Variants in BFSP1 observed in about 807,000 individuals in gnomAD.
The protein encoded by BFSP1 is filensin.
A neutral mutation model predicts 43.9 loss-of-function variants in BFSP1; 38 were observed. The observed-to-expected ratio is 0.87, with a 90% CI of 0.67 to 1.14. BFSP1 has a LOEUF of 1.14. BFSP1 is among the 50% of genes most tolerant of loss of function. The pLI is 0.00. For missense variants in BFSP1, 850 were observed against 875.1 expected (o/e 0.97, Z 0.36); for synonymous variants, 352 against 354.8 (o/e 0.99, Z 0.09).
chr20:17,547,299 A>C (rs2034819773), intron 1 of BFSP1, among the ~76,000 whole-genome samples: 1 of 152,114 alleles, frequency 6.6e-6, no homozygotes, highest in Admixed American at 6.5e-5. Context: ...TCTTATTCTT[A>C]AGGAGACAGG....
At chr20:17,540,524 C>G (rs1410904641) in intron 1 of BFSP1, among the ~76,000 whole-genome samples, 1 of 152,138 alleles carries the variant, frequency 6.6e-6, no homozygotes, top group East Asian at 1.9e-4. Context: ...CGCTGTTTAC[C>G]TGGCAGACCT....
intron 1 of BFSP1, among the ~76,000 whole-genome samples, chr20:17,568,777 A>T (rs970963874): frequency 6.6e-6 from 1 of 152,142 alleles, no homozygotes; most frequent in African/African-American, 2.4e-5. Flanking sequence ...CAAAAGCCAC[A>T]TACAACCTAG....
rs769151955 is a variant in BFSP1, at chr20:17,514,754, A to G, written c.501T>C (p.Asp167=). ...GCCTGTCCTTTGCCGCACTGATATC[A>G]TCTTGCAGAAATTGGGCTTCCAGCT... The part of the protein sequence containing the change: ...RLQLEAQFLQ[D]DISAAKDRHK... Residue 167 remains aspartate, a synonymous_variant, in exon 3 of 8, where the codon GAT becomes GAC. Coordinates refer to ENST00000377873, the MANE Select transcript of BFSP1 (RefSeq NM_001195.5). 6.2e-7 allele frequency: 1 copy of G among 1,614,078 alleles called. No individual in the cohort carries two copies. The highest frequency in any genetic ancestry group is 2.2e-5 in the East Asian group (1 of 44,870).
At chr20:17,542,835 G>T (rs1280399875) in intron 1 of BFSP1, among the ~76,000 whole-genome samples, 2 of 152,186 alleles carry the variant, frequency 1.3e-5, no homozygotes, top group Non-Finnish European at 2.9e-5. Flanking sequence ...TTCATTTCTA[G>T]TTGGCTCAAG....
chr20:17,502,468 G>T (rs553382966), intron 5 of BFSP1, among the ~76,000 whole-genome samples: 1 of 152,196 alleles, frequency 6.6e-6, no homozygotes, highest in East Asian at 1.9e-4. Flanking sequence ...CAGTATGGGG[G>T]AGACAATCAA....
At chr20:17,502,397 T>C (rs2033825230) in intron 5 of BFSP1, among the ~76,000 whole-genome samples, 1 of 152,104 alleles carries the variant, frequency 6.6e-6, no homozygotes, top group African/African-American at 2.4e-5. Flanking sequence ...ACAAAGCCAC[T>C]GGTCTGGGTT....
chr20:17,538,691 T>C (rs1334579378), intron 1 of BFSP1, among the ~76,000 whole-genome samples: 1 of 152,196 alleles, frequency 6.6e-6, no homozygotes, highest in African/African-American at 2.4e-5. Context: ...TCATCGTCAT[T>C]CTGGTTATGC....
intron 1 of BFSP1, among the ~76,000 whole-genome samples, chr20:17,558,281 A>G (rs1332363246): frequency 1.3e-5 from 2 of 152,092 alleles, no homozygotes; most frequent in Non-Finnish European, 2.9e-5. Flanking sequence ...CACCCAAACC[A>G]TTTAAAATGG....
At chr20:17,497,584 A>G (rs778440735) in intron 6 of BFSP1, among the ~76,000 whole-genome samples, 17 of 15,612 alleles carry the variant, frequency 1.1e-3, no homozygotes, top group Admixed American at 2.9e-3. Context: ...ATATATACGT[A>G]TATATATACG....
At chr20:17,557,522 A>G (rs2035013028) in intron 1 of BFSP1, among the ~76,000 whole-genome samples, 1 of 152,146 alleles carries the variant, frequency 6.6e-6, no homozygotes, top group Non-Finnish European at 1.5e-5. Flanking sequence ...GGCTCAAGGG[A>G]AGTCCATATA....
upstream of BFSP1, among the ~76,000 whole-genome samples, chr20:17,533,455 C>T (rs1032611386): frequency 1.3e-5 from 2 of 148,790 alleles, no homozygotes; most frequent in East Asian, 3.8e-4. Flanking sequence ...GCTGGGAGCT[C>T]AGCTGTCTTC....
chr20:17,495,774 C>T lies in BFSP1; in HGVS notation c.1043-745G>A, dbSNP rs528000315. Among the ~76,000 whole-genome samples, 4 of 152,292 alleles carry T rather than the reference C, an allele frequency of 2.6e-5. No homozygotes were observed. The East Asian group carries it at 5.8e-4, about 22-fold the overall frequency. ...ACCTGGTATAATCTATGAGGCTTCC[C>T]GGCTCCACCCACATAGTGAATTTTG... On this transcript the variant is annotated intron_variant, in intron 7 of 7. Coordinates refer to ENST00000377873, the MANE Select transcript of BFSP1 (RefSeq NM_001195.5).
intron 1 of BFSP1, among the ~76,000 whole-genome samples, chr20:17,527,676 C>T (rs922816626): frequency 1.3e-5 from 2 of 151,694 alleles, no homozygotes; most frequent in Admixed American, 6.6e-5. Flanking sequence ...TGCAGTGAGC[C>T]GAGATCACGC....
At chr20:17,553,840 C>CATATATATAT (rs201771585) in intron 1 of BFSP1, among the ~76,000 whole-genome samples, 1 of 108,524 alleles carries the variant, frequency 9.2e-6, no homozygotes, top group East Asian at 3.0e-4. Flanking sequence ...TATATATACA[C>CATATATATAT]ATATATATAC....
intron 1 of BFSP1, among the ~76,000 whole-genome samples, chr20:17,543,242 T>C (rs1600676245): frequency 6.6e-6 from 1 of 152,352 alleles, no homozygotes; most frequent in South Asian, 2.1e-4. Context: ...AGAGTGTCTT[T>C]TGCCGTGTAA....
intron 2 of BFSP1, among the ~76,000 whole-genome samples, chr20:17,522,353 C>G (rs190504876): frequency 2.0e-5 from 3 of 152,160 alleles, no homozygotes; most frequent in African/African-American, 4.8e-5. Context: ...ACCTGCCCCC[C>G]CAATAACCAC....
rs34002192 is a variant in BFSP1, at chr20:17,539,105, C to CTTCTTTT, written c.3-14198_3-14197insAAAAGAA. ...TGCATCCATGAATATATTTCTTCTT[C>CTTCTTTT]TTTTTTTTTTTTTTTTTTTTTTTTT... On this transcript the variant is annotated intron_variant, in intron 1 of 7. Coordinates refer to the BFSP1 transcript ENST00000377868. 5.3e-3 allele frequency among the ~76,000 whole-genome samples: 338 copies of CTTCTTTT among 63,610 alleles called. 12 individuals are homozygous for CTTCTTTT. The highest frequency in any genetic ancestry group is 7.5e-3 in the Non-Finnish European group (262 of 35,112). The allele number at this position is 63,610 out of a possible 152,430, so 41.7% of individuals were successfully genotyped here. A position where few individuals can be genotyped will look rare whatever the true frequency, so the allele number is the denominator to read the frequency against.
chr20:17,517,501 C>A (rs2034224973), intron 2 of BFSP1, among the ~76,000 whole-genome samples: 1 of 152,168 alleles, frequency 6.6e-6, no homozygotes, highest in African/African-American at 2.4e-5. Context: ...TCAGGCTGGT[C>A]TTGAACTCCT....
At chr20:17,547,607 T>C (rs889761950) in intron 1 of BFSP1, among the ~76,000 whole-genome samples, 2 of 152,202 alleles carry the variant, frequency 1.3e-5, no homozygotes, top group Admixed American at 1.3e-4. Context: ...AGTTTAACAA[T>C]GTTTGTAAAA....
Sources: gnomAD v4.1 joint callset for allele counts (sites outside exome capture counted in the v4.1 genomes callset) on GRCh38, gnomAD v4.1.1 for gene constraint, MANE v1.5 for transcripts, NCBI Gene and HGNC (gene_info 2026-07-23, HGNC 2026-07-21) for gene names.